Variants in MB21D2 observed in about 807,000 individuals in gnomAD.
MB21D2 encodes the protein nucleotidyltransferase MB21D2.
A neutral mutation model predicts 33.3 loss-of-function variants in MB21D2; 9 were observed. That is an observed-to-expected ratio of 0.27 (90% CI 0.16 to 0.47). The LOEUF (loss-of-function observed/expected upper bound fraction) is 0.47. MB21D2 is among the 20% of genes least tolerant of loss of function. The pLI is 0.99. For missense variants in MB21D2, 540 were observed against 624.6 expected (o/e 0.86, Z 1.44); for synonymous variants, 241 against 236.3 (o/e 1.02, Z -0.18).
chr3:192,854,351 A>C (rs1164014311), intron 1 of MB21D2, among the ~76,000 whole-genome samples: 4 of 152,262 alleles, frequency 2.6e-5, no homozygotes, highest in Non-Finnish European at 5.9e-5. Flanking sequence ...GCCAATGTCC[A>C]ATCCAGAGCA....
chr3:192,890,558 G>A (rs1351748048), intron 1 of MB21D2, among the ~76,000 whole-genome samples: 1 of 149,780 alleles, frequency 6.7e-6, no homozygotes, highest in Admixed American at 6.7e-5. Context: ...AAAGTCTGAT[G>A]CAATCTGTTC....
intron 1 of MB21D2, among the ~76,000 whole-genome samples, chr3:192,905,114 C>A (rs1392880601): frequency 6.6e-6 from 1 of 152,210 alleles, no homozygotes; most frequent in East Asian, 1.9e-4. Flanking sequence ...GCTGCAGCTG[C>A]TAAAAGGGTG....
chr3:192,895,065 C>T (rs139477958), intron 1 of MB21D2, among the ~76,000 whole-genome samples: 1,828 of 141,598 alleles, frequency 0.013, 25 homozygotes, highest in African/African-American at 0.043. Flanking sequence ...AGCACGAATC[C>T]GGTGGCCTGG....
chr3:192,853,498 G>A (rs1394723059), intron 1 of MB21D2, among the ~76,000 whole-genome samples: 1 of 152,204 alleles, frequency 6.6e-6, no homozygotes, highest in African/African-American at 2.4e-5. Context: ...GGTTGCAACA[G>A]CAGCAGTGGT....
At chr3:192,873,015 C>CG (rs1713344853) in intron 1 of MB21D2, among the ~76,000 whole-genome samples, 1 of 92,714 alleles carries the variant, frequency 1.1e-5, no homozygotes, top group East Asian at 4.7e-4. Context: ...AGACACCCCC[C>CG]CCCACCAAGC....
At chr3:192,814,215 A>T (rs1711858429) in intron 1 of MB21D2, among the ~76,000 whole-genome samples, 1 of 152,192 alleles carries the variant, frequency 6.6e-6, no homozygotes, top group Non-Finnish European at 1.5e-5. Context: ...TGATACATCC[A>T]GAAGTTCAGA....
At chr3:192,829,021 T>C (rs558635761) in intron 1 of MB21D2, among the ~76,000 whole-genome samples, 75 of 152,202 alleles carry the variant, frequency 4.9e-4, no homozygotes, top group African/African-American at 1.8e-3. Flanking sequence ...CCACCACAAT[T>C]AAGACAGAAT....
intron 1 of MB21D2, among the ~76,000 whole-genome samples, chr3:192,908,993 C>T (rs1413508120): frequency 4.0e-5 from 6 of 151,882 alleles, no homozygotes; most frequent in African/African-American, 7.2e-5. Context: ...CGGTGGCTCA[C>T]GCCTGTAATC....
chr3:192,833,761 T>C (rs1388989605), intron 1 of MB21D2, among the ~76,000 whole-genome samples: 1 of 152,162 alleles, frequency 6.6e-6, no homozygotes, highest in Non-Finnish European at 1.5e-5. Context: ...CGTGGGATAG[T>C]GTTACTCGCT....
At chr3:192,809,242 C>G (rs1042614539) in intron 1 of MB21D2, among the ~76,000 whole-genome samples, 1 of 152,134 alleles carries the variant, frequency 6.6e-6, no homozygotes, top group Non-Finnish European at 1.5e-5. Flanking sequence ...ACTACAGGCA[C>G]GCATCACCAC....
At chr3:192,837,760 A>G (rs1310699386) in intron 1 of MB21D2, among the ~76,000 whole-genome samples, 1 of 152,222 alleles carries the variant, frequency 6.6e-6, no homozygotes, top group African/African-American at 2.4e-5. Context: ...GTATTTTTAA[A>G]TGATCCCCAG....
chr3:192,806,246 T>C (rs183310136), intron 1 of MB21D2, among the ~76,000 whole-genome samples: 6 of 152,328 alleles, frequency 3.9e-5, no homozygotes, highest in East Asian at 3.9e-4. Flanking sequence ...ATGGTGTATC[T>C]TTCTTCCTAA....
At chr3:192,870,213 C>G (rs74942846) in intron 1 of MB21D2, among the ~76,000 whole-genome samples, 2,849 of 152,212 alleles carry the variant, frequency 0.019, 85 homozygotes, top group African/African-American at 0.065. Flanking sequence ...TAACACGGGT[C>G]AGGAAACCTA....
intron 1 of MB21D2, among the ~76,000 whole-genome samples, chr3:192,855,972 A>G (rs113133726): frequency 1.3e-3 from 194 of 152,308 alleles, no homozygotes; most frequent in African/African-American, 4.3e-3. Flanking sequence ...CAGGAGAATC[A>G]CTTGAACCTA....
intron 1 of MB21D2, among the ~76,000 whole-genome samples, chr3:192,873,468 C>T (rs969571475): frequency 2.6e-5 from 4 of 152,140 alleles, no homozygotes; most frequent in African/African-American, 9.7e-5. Context: ...CACCTCTCTA[C>T]CTACATCCCA....
chr3:192,814,705 A>G (rs1447596103), intron 1 of MB21D2, among the ~76,000 whole-genome samples: 1 of 151,980 alleles, frequency 6.6e-6, no homozygotes, highest in Non-Finnish European at 1.5e-5. Context: ...TACTAAAAAA[A>G]ATACAAAAAA....
chr3:192,872,995 C>T (rs1713343549), intron 1 of MB21D2, among the ~76,000 whole-genome samples: 1 of 115,178 alleles, frequency 8.7e-6, no homozygotes, highest in Non-Finnish European at 1.7e-5. Flanking sequence ...ATAAAATTCA[C>T]AAGTTTAGAA....
intron 1 of MB21D2, among the ~76,000 whole-genome samples, chr3:192,815,825 C>T (rs1246714671): frequency 6.6e-6 from 1 of 152,138 alleles, no homozygotes; most frequent in African/African-American, 2.4e-5. Flanking sequence ...TCTTCCTCTA[C>T]CCATCAGATA....
chr3:192,907,500 C>T (rs1444087882), intron 1 of MB21D2, among the ~76,000 whole-genome samples: 1 of 152,038 alleles, frequency 6.6e-6, no homozygotes. Context: ...CAGAAGACAC[C>T]CAATAGCTGG....
Sources: gnomAD v4.1 joint callset for allele counts (sites outside exome capture counted in the v4.1 genomes callset) on GRCh38, gnomAD v4.1.1 for gene constraint, MANE v1.5 for transcripts, NCBI Gene and HGNC (gene_info 2026-07-23, HGNC 2026-07-21) for gene names.